Variants in HS3ST3B1 observed in about 807,000 individuals in gnomAD.
The protein encoded by HS3ST3B1 is heparan sulfate glucosamine 3-O-sulfotransferase 3B1.
A neutral mutation model predicts 21.3 loss-of-function variants in HS3ST3B1; 13 were observed. The observed-to-expected ratio is 0.61, with a 90% CI of 0.40 to 0.97. The LOEUF (loss-of-function observed/expected upper bound fraction) is 0.97. HS3ST3B1 is among the 50% of genes least tolerant of loss of function. HS3ST3B1 has a pLI of 0.00. For missense variants in HS3ST3B1, 459 were observed against 554.8 expected (o/e 0.83, Z 1.73); for synonymous variants, 234 against 254.8 (o/e 0.92, Z 0.78).
chr17:14,335,572 T>A (rs1241621412), intron 1 of HS3ST3B1, among the ~76,000 whole-genome samples: 1 of 151,774 alleles, frequency 6.6e-6, no homozygotes, highest in Non-Finnish European at 1.5e-5. Flanking sequence ...GCGACACCTG[T>A]AATCTCAGCT....
chr17:14,305,110 A>G (rs1007173473), intron 1 of HS3ST3B1: 5 of 152,308 alleles, frequency 3.3e-5, no homozygotes, highest in African/African-American at 9.6e-5. Flanking sequence ...GGCGCTGCCA[A>G]TGGCCAGAGT....
rs1908915250 is a variant in HS3ST3B1 at position 14,301,472 on chromosome 17, C to T, written c.-47C>T. 3 of 1,394,722 alleles carry T rather than the reference C, an allele frequency of 2.2e-6. No homozygotes were observed. The highest frequency in any genetic ancestry group is 3.1e-5 in the Admixed American group (1 of 32,250). The allele number at this position is 1,394,722 out of a possible 1,614,324, so 86.4% of individuals were successfully genotyped here. A position where few individuals can be genotyped will look rare whatever the true frequency, so the allele number is the denominator to read the frequency against. The stretch of plus-strand genomic sequence containing the variant: ...TCTGCGCTCACTGCCCGGCGGGACC[C>T]ACGCCATGTGCTGAGCCATGTCCCT... On this transcript the variant is annotated 5_prime_UTR_variant, in exon 1 of 2. Coordinates refer to ENST00000360954, the MANE Select transcript of HS3ST3B1 (RefSeq NM_006041.3).
chr17:14,310,700 G>T (rs1909279074), intron 1 of HS3ST3B1, among the ~76,000 whole-genome samples: 1 of 152,146 alleles, frequency 6.6e-6, no homozygotes, highest in Admixed American at 6.5e-5. Context: ...TCTCCCTGCC[G>T]GTCCTGGCCT....
chr17:14,307,588 A>AT (rs1032225029), intron 1 of HS3ST3B1, among the ~76,000 whole-genome samples: 2 of 152,192 alleles, frequency 1.3e-5, no homozygotes, highest in African/African-American at 4.8e-5. Flanking sequence ...CACACCAGGA[A>AT]TTTTTTTAAA....
Position 14,301,310 on chromosome 17 carries a change from C to T in HS3ST3B1, c.-209C>T. The T allele has an allele frequency of 2.0e-6, 1 of 499,938 alleles. No homozygotes were observed. Among genetic ancestry groups the T allele is most frequent in the Non-Finnish European group, 3.5e-6 (1 of 289,370 alleles). 31.0% of individuals were successfully genotyped at this position (499,938 alleles called of 1,614,324 possible). The stretch of plus-strand genomic sequence containing the variant: ...TTTCCGTTCCAGTTGCAGCTCCTGC[C>T]GGGCAACATGTCAAGAGCCGCCGCC... On this transcript the variant is annotated 5_prime_UTR_variant, in exon 1 of 2. Transcript: ENST00000360954.
In HS3ST3B1 at chr17:14,301,851, G is replaced by C; in HGVS notation, c.333G>C (p.Pro111=). ...GKEMAEGAAS[P]EEQSPEVPDS... is the part of the protein sequence containing the mutation. ...AGATGGCCGAGGGCGCTGCGAGCCC[G>C]GAGGAGCAGAGTCCCGAGGTGCCGG... is the stretch of plus-strand genomic sequence containing the variant. The change falls in exon 1 of 2, where the codon CCG becomes CCC. Residue 111 remains proline, a synonymous_variant. Transcript: ENST00000360954. 6.3e-7 allele frequency: 1 copy of C among 1,595,606 alleles called. No individual in the cohort carries two copies. The highest frequency in any genetic ancestry group is 8.5e-7 in the Non-Finnish European group (1 of 1,172,428).
chr17:14,313,904 T>G (rs1247172983), intron 1 of HS3ST3B1, among the ~76,000 whole-genome samples: 18 of 152,032 alleles, frequency 1.2e-4, no homozygotes, highest in Admixed American at 1.2e-3. Context: ...CTGTGTTATC[T>G]CTTTTCAGTA....
intron 1 of HS3ST3B1, among the ~76,000 whole-genome samples, chr17:14,306,675 C>G (rs1909148196): frequency 1.3e-5 from 2 of 152,168 alleles, no homozygotes; most frequent in Non-Finnish European, 2.9e-5. Context: ...TAGTCTACTT[C>G]AGAAAACCTG....
At chr17:14,322,635 G>A (rs779098089) in intron 1 of HS3ST3B1, among the ~76,000 whole-genome samples, 1 of 152,138 alleles carries the variant, frequency 6.6e-6, no homozygotes, top group East Asian at 1.9e-4. Flanking sequence ...ATGTATTGCA[G>A]GCAGAGTGTT....
rs1478997721 is a variant in HS3ST3B1 at position 14,349,054 on chromosome 17, A to C, written c.*3408A>C. ...AAATGGAAGATTCCAATAAACTAGAAACAGTACGTATCTAAGATGCTGACA... is the reference window on the plus strand; with the variant it reads ...AAATGGAAGATTCCAATAAACTAGACACAGTACGTATCTAAGATGCTGACA... On this transcript the variant is annotated 3_prime_UTR_variant, in exon 2 of 2. Coordinates refer to ENST00000360954, the MANE Select transcript of HS3ST3B1 (RefSeq NM_006041.3). The C allele has an allele frequency of 6.6e-6, 1 of 152,216 alleles. No homozygotes were observed. Among genetic ancestry groups the C allele is most frequent in the Non-Finnish European group, 1.5e-5 (1 of 68,036 alleles). 9.4% of individuals were successfully genotyped at this position (152,216 alleles called of 1,614,324 possible).
At chr17:14,331,645 C>T (rs973825671) in intron 1 of HS3ST3B1, among the ~76,000 whole-genome samples, 4 of 152,086 alleles carry the variant, frequency 2.6e-5, no homozygotes, top group African/African-American at 9.7e-5. Flanking sequence ...AGAGAAAGGC[C>T]TAGTAAACTT....
chr17:14,340,784 T>G (rs917911798), intron 1 of HS3ST3B1, among the ~76,000 whole-genome samples: 1 of 152,116 alleles, frequency 6.6e-6, no homozygotes, highest in Non-Finnish European at 1.5e-5. Context: ...GGTTTCACCA[T>G]GTTGGCCAGG....
intron 1 of HS3ST3B1, among the ~76,000 whole-genome samples, chr17:14,326,876 G>A (rs528635930): frequency 4.1e-5 from 6 of 145,274 alleles, no homozygotes; most frequent in African/African-American, 1.0e-4. Flanking sequence ...AGCAGAGATC[G>A]TGCCACTGCA....
chr17:14,344,919 C>A, intron 1 of HS3ST3B1, 109 bp from the exon 2 acceptor site: 3 of 1,440,232 alleles, frequency 2.1e-6, no homozygotes, highest in Non-Finnish European at 2.8e-6. Context: ...ATGTTTCTAC[C>A]ACTGCTTCCA....
At position 14,348,650 on chromosome 17, in the gene HS3ST3B1, TG is replaced by T. The variant is rs1197011624; in HGVS notation, c.*3005del. 1.3e-5 allele frequency: 2 copies of T among 152,222 alleles called. No individual in the cohort carries two copies. The highest frequency in any genetic ancestry group is 4.8e-5 in the African/African-American group (2 of 41,460). 9.4% of individuals were successfully genotyped at this position (152,222 alleles called of 1,614,324 possible). On this transcript the variant is annotated 3_prime_UTR_variant, in exon 2 of 2. Coordinates refer to ENST00000360954, the MANE Select transcript of HS3ST3B1 (RefSeq NM_006041.3). ...TGTTTCGGCAATTTGTCCTGGCACGTGTTTTGGACTTCCTCCGATTTACACG... is the reference window on the plus strand; with the variant it reads ...TGTTTCGGCAATTTGTCCTGGCACGTTTTTGGACTTCCTCCGATTTACACG...
chr17:14,320,299 G>A (rs1025536816), intron 1 of HS3ST3B1, among the ~76,000 whole-genome samples: 2 of 152,126 alleles, frequency 1.3e-5, no homozygotes, highest in Non-Finnish European at 2.9e-5. Context: ...GCTTCAGGGA[G>A]GAGGTGACAT....
chr17:14,321,081 G>A (rs764174138), intron 1 of HS3ST3B1, among the ~76,000 whole-genome samples: 1 of 152,246 alleles, frequency 6.6e-6, no homozygotes, highest in African/African-American at 2.4e-5. Context: ...AAAAGAGAAA[G>A]TGTAAAGGAA....
intron 1 of HS3ST3B1, 27 bp from the exon 2 acceptor site, chr17:14,345,001 C>A: frequency 6.2e-7 from 1 of 1,601,576 alleles, no homozygotes; most frequent in Non-Finnish European, 8.5e-7. Context: ...ACCTTCTGAT[C>A]CCGGTTTGTT....
chr17:14,301,463 G>A lies in HS3ST3B1; in HGVS notation c.-56G>A. 4 of 1,375,894 alleles carry A rather than the reference G, an allele frequency of 2.9e-6. No individual in the cohort carries two copies. The highest frequency in any genetic ancestry group is 3.2e-5 in the South Asian group (2 of 61,810). The allele number at this position is 1,375,894 out of a possible 1,614,324, so 85.2% of individuals were successfully genotyped here. A position where few individuals can be genotyped will look rare whatever the true frequency, so the allele number is the denominator to read the frequency against. On this transcript the variant is annotated 5_prime_UTR_variant, in exon 1 of 2. Transcript: ENST00000360954. The stretch of plus-strand genomic sequence containing the variant: ...GGAACCCTCTCTGCGCTCACTGCCC[G>A]GCGGGACCCACGCCATGTGCTGAGC...
Sources: allele counts gnomAD v4.1 joint callset (sites outside exome capture counted in the v4.1 genomes callset), GRCh38; gene constraint gnomAD v4.1.1; transcripts MANE v1.5; gene names NCBI Gene and HGNC (gene_info 2026-07-23, HGNC 2026-07-21).